Variants in FANCA observed in about 807,000 individuals in gnomAD.
FANCA encodes the protein Fanconi anemia group A protein.
Under a neutral mutation model 194.3 loss-of-function variants are expected in FANCA, and 236 were observed. That is an observed-to-expected ratio of 1.21 (90% confidence interval 1.09 to 1.35). The LOEUF (loss-of-function observed/expected upper bound fraction) is 1.35. FANCA is among the 40% of genes most tolerant of loss of function. The pLI, the probability that FANCA is intolerant of heterozygous loss-of-function variation, is 0.00. For missense variants in FANCA, 2,628 were observed against 1,813.9 expected, an observed-to-expected ratio of 1.45 and a Z score of -8.15; for synonymous variants, 1,014 against 715.8, an observed-to-expected ratio of 1.42 and a Z score of -6.65.
At chr16:89,746,033 C>A (rs1440011381) in intron 35 of FANCA, among the ~76,000 whole-genome samples, 1 of 152,150 alleles carries the variant, frequency 6.6e-6, no homozygotes, top group Non-Finnish European at 1.5e-5. Flanking sequence ...GGAAGGGCGA[C>A]AGCTGTGGTC....
rs1209919154 is a variant in FANCA, at chr16:89,738,677, T to C, written c.4292A>G (p.Glu1431Gly). ...TCTGCTCTGGAGGGCGGCGCTCACC[T>C]CTGGGTCGCAGTCCCCACGATCAGC... ...LLADRGDCDP[E>G]VSAALQSRQQ... is the part of the protein sequence containing the mutation. Residue 1431 changes from glutamate (E) to glycine (G), a missense_variant, in exon 43 of 43, where the codon GAG (glutamate) becomes GGG (glycine). Physicochemically the swap from Glu to Gly is moderately conservative, Grantham distance 98 (BLOSUM62 -2). Transcript: ENST00000389301. 6.2e-7 allele frequency: 1 copy of C among 1,613,786 alleles called. No homozygotes were observed. The highest frequency in any genetic ancestry group is 1.7e-5 in the Admixed American group (1 of 60,030).
intron 5 of FANCA, among the ~76,000 whole-genome samples, chr16:89,809,407 T>C (rs912086095): frequency 2.0e-5 from 3 of 151,996 alleles, no homozygotes; most frequent in African/African-American, 7.2e-5. Context: ...AATTCTATAA[T>C]GTATGCTGGA....
intron 20 of FANCA, among the ~76,000 whole-genome samples, chr16:89,777,064 G>T (rs1297357293): frequency 6.6e-6 from 1 of 152,148 alleles, no homozygotes; most frequent in Non-Finnish European, 1.5e-5. Context: ...TTACAAAATG[G>T]CTGGGTGTGG....
At chr16:89,803,622 TTC>T (rs928618878) in intron 7 of FANCA, among the ~76,000 whole-genome samples, 1 of 138,522 alleles carries the variant, frequency 7.2e-6, no homozygotes, top group Admixed American at 7.5e-5. Flanking sequence ...TCAGATTTTT[TTC>T]TTTTTTTTTT....
chr16:89,814,321 C>A (rs948985807), intron 3 of FANCA, among the ~76,000 whole-genome samples, 199 bp downstream of exon 3: 2 of 152,196 alleles, frequency 1.3e-5, no homozygotes, highest in Admixed American at 6.6e-5. Flanking sequence ...CAGGTTGAAT[C>A]AGACGCTGTT....
At chr16:89,765,097 C>T (rs1217500347) in intron 27 of FANCA, 31 bp from the exon 28 acceptor site, 2 of 1,611,400 alleles carry the variant, frequency 1.2e-6, no homozygotes, top group Non-Finnish European at 8.5e-7. Flanking sequence ...GCCGTTTCTT[C>T]ATTGCGCAAG....
intron 33 of FANCA, among the ~76,000 whole-genome samples, chr16:89,748,016 C>T (rs1201510314): frequency 6.6e-6 from 1 of 152,148 alleles, no homozygotes; most frequent in Non-Finnish European, 1.5e-5. Flanking sequence ...GGCTCAATTA[C>T]TCCTCCTGAC....
Position 89,769,880 on chromosome 16 carries a change from G to A in FANCA, c.2461C>T (p.Leu821Phe). 1 of 1,614,156 alleles carries A rather than the reference G, an allele frequency of 6.2e-7. No homozygotes were observed. Among genetic ancestry groups the A allele is most frequent in the Non-Finnish European group, 8.5e-7 (1 of 1,180,050 alleles). Residue 821 changes from leucine (L) to phenylalanine (F), a missense_variant, in exon 26 of 43, where the codon CTC becomes TTC. Physicochemically the swap from Leu to Phe is conservative, Grantham distance 22. Transcript: ENST00000389301. The part of the protein sequence containing the change: ...GLPVPALFDS[L>F]LTCRTRDSLF... ...GAATCCCTCGTCCTACAGGTCAGGAGGCTGTCAAAGAGCGCAGGGACAGGA... is the reference window on the plus strand; with the variant it reads ...GAATCCCTCGTCCTACAGGTCAGGAAGCTGTCAAAGAGCGCAGGGACAGGA...
At chr16:89,787,761 C>G (rs545769228) in intron 14 of FANCA, among the ~76,000 whole-genome samples, 12 of 151,854 alleles carry the variant, frequency 7.9e-5, no homozygotes, top group Non-Finnish European at 1.6e-4. Context: ...AAAAACCCCA[C>G]AAATTACATT....
Position 89,784,853 on chromosome 16 carries a change from C to T in FANCA, c.1470+1G>A, listed in dbSNP as rs1555556175. On this transcript the variant is annotated splice_donor_variant, in intron 15 of 42. Transcript: ENST00000389301. LOFTEE classifies it high-confidence loss of function. ...CATGGATGTGGCAGCCAGCTTCTCA[C>T]CTGCAGGTACCGGGGAGACTCAAAA... is the stretch of plus-strand genomic sequence containing the variant. 1 of 1,610,724 alleles carries T rather than the reference C, an allele frequency of 6.2e-7. No individual in the cohort carries two copies. Among genetic ancestry groups the T allele is most frequent in the Non-Finnish European group, 8.5e-7 (1 of 1,176,902 alleles).
intron 9 of FANCA, among the ~76,000 whole-genome samples, 176 bp downstream of exon 9, chr16:89,799,429 T>A (rs546305578): frequency 1.3e-5 from 2 of 152,334 alleles, no homozygotes; most frequent in South Asian, 2.1e-4. Context: ...CACAGATTCA[T>A]GAGGTATCCC....
rs868155299 is a variant in FANCA at position 89,780,911 on chromosome 16, C to A, written c.1627-954G>T. Among the ~76,000 whole-genome samples, 473 of 139,078 alleles carry A rather than the reference C, an allele frequency of 3.4e-3. 4 individuals are homozygous for A. Among genetic ancestry groups the A allele is most frequent in the African/African-American group, 0.012 (439 of 37,308 alleles). The allele number at this position is 139,078 out of a possible 152,430, so 91.2% of individuals were successfully genotyped here. ...CGGTACTATACTTCAGCCTGGTCAA[C>A]AGAACAACATCCCACCTCAAAAAAA... On this transcript the variant is annotated intron_variant, in intron 17 of 42. Transcript: ENST00000389301.
chr16:89,805,177 G>C (rs2040592619), intron 7 of FANCA, 103 bp downstream of exon 7: 1 of 886,524 alleles, frequency 1.1e-6, no homozygotes, highest in Non-Finnish European at 1.8e-6. Flanking sequence ...CACGGCCACG[G>C]AGAGACAGGC....
At position 89,758,672 on chromosome 16, in the gene FANCA, G is replaced by A. The variant is rs1455455628; in HGVS notation, c.2886C>T (p.His962=). 4 of 1,614,028 alleles carry A rather than the reference G, an allele frequency of 2.5e-6. No individual in the cohort carries two copies. The highest frequency in any genetic ancestry group is 2.5e-6 in the Non-Finnish European group (3 of 1,179,912). Residue 962 remains histidine, a synonymous_variant, in exon 30 of 43, where the codon CAC becomes CAT. Coordinates refer to ENST00000389301, the MANE Select transcript of FANCA (RefSeq NM_000135.4). ...CTGAAGCCGAGGACTCAGGGAGAAA[G>A]TGCTCATGGATCGCCCACTGGTGGA... ...QDFHQWAIHE[H]FLPESSASGG...
intron 14 of FANCA, among the ~76,000 whole-genome samples, chr16:89,790,642 T>C (rs947543736): frequency 6.6e-6 from 1 of 151,326 alleles, no homozygotes; most frequent in African/African-American, 2.4e-5. Context: ...GGCAGGAGAA[T>C]AGCTTGAAAC....
chr16:89,797,565 T>C (rs963560384), intron 10 of FANCA, among the ~76,000 whole-genome samples: 4 of 151,480 alleles, frequency 2.6e-5, no homozygotes, highest in Admixed American at 1.3e-4. Flanking sequence ...ACCAAGACTG[T>C]TGGAGGATGT....
chr16:89,758,063 G>A (rs1378284769), intron 30 of FANCA, among the ~76,000 whole-genome samples: 4 of 151,886 alleles, frequency 2.6e-5, no homozygotes, highest in Non-Finnish European at 5.9e-5. Flanking sequence ...CACCATGTAG[G>A]CCAGGCTGGT....
Position 89,738,552 on chromosome 16 carries a change from A to G in FANCA, c.*49T>C. The G allele has an allele frequency of 6.2e-7, 1 of 1,611,844 alleles. No homozygotes were observed. The highest frequency in any genetic ancestry group is 2.2e-5 in the East Asian group (1 of 44,890). ...AACAAGAGCTCCATGTTATGCTTGT[A>G]ATAAATTATTTACACGGGAGCTGGG... is the stretch of plus-strand genomic sequence containing the variant. On this transcript the variant is annotated 3_prime_UTR_variant, in exon 43 of 43. Coordinates refer to ENST00000389301, the MANE Select transcript of FANCA (RefSeq NM_000135.4).
chr16:89,785,853 G>GTTTTTTTTTTTT (rs370594051), intron 14 of FANCA, among the ~76,000 whole-genome samples: 1 of 113,166 alleles, frequency 8.8e-6, no homozygotes, highest in African/African-American at 3.6e-5. Context: ...GCAAAATTGT[G>GTTTTTTTTTTTT]TTTTGTTTTT....
Sources: allele counts gnomAD v4.1 joint callset (sites outside exome capture counted in the v4.1 genomes callset), GRCh38; gene constraint gnomAD v4.1.1; transcripts MANE v1.5; gene names NCBI Gene and HGNC (gene_info 2026-07-23, HGNC 2026-07-21).